Variants in RFC3 observed in about 807,000 individuals in gnomAD.
The protein encoded by RFC3 is replication factor C subunit 3, also known as A1 38 kDa subunit.
RFC3 carries 41 observed loss-of-function variants against 45.1 expected under a neutral mutation model. The observed-to-expected ratio is 0.91, with a 90% CI of 0.71 to 1.18. The LOEUF (loss-of-function observed/expected upper bound fraction) is 1.18, where lower values mean the gene tolerates loss of function less well. Among genes scored for constraint, RFC3 ranks in the 50% most tolerant of loss-of-function variants. The pLI is 0.00. For synonymous variants in RFC3, 149 were observed against 144.0 expected (o/e 1.03, Z -0.25); for missense variants, 423 against 428.1 (o/e 0.99, Z 0.10).
At chr13:33,872,980 G>T (rs1291800322) in intron 8 of RFC3, among the ~76,000 whole-genome samples, 1 of 152,058 alleles carries the variant, frequency 6.6e-6, no homozygotes, top group Admixed American at 6.5e-5. Flanking sequence ...TTTAAAGTTG[G>T]GCTAAACAAC....
At chr13:33,903,237 A>G (rs1451900089) in intron 8 of RFC3, among the ~76,000 whole-genome samples, 1 of 152,102 alleles carries the variant, frequency 6.6e-6, no homozygotes, top group Non-Finnish European at 1.5e-5. Flanking sequence ...TAGATCAAAC[A>G]CTGATTTGTA....
intron 8 of RFC3, among the ~76,000 whole-genome samples, chr13:33,891,332 C>T (rs2082562017): frequency 6.6e-6 from 1 of 152,084 alleles, no homozygotes; most frequent in Non-Finnish European, 1.5e-5. Flanking sequence ...GCAAGGTTCC[C>T]TAAAGGTTTT....
chr13:33,878,432 G>A (rs1475140960), intron 8 of RFC3, among the ~76,000 whole-genome samples: 1 of 152,118 alleles, frequency 6.6e-6, no homozygotes, highest in Non-Finnish European at 1.5e-5. Context: ...GGGATGGTGA[G>A]GATTTGATGA....
chr13:33,820,278 A>G (rs949349241), intron 1 of RFC3, among the ~76,000 whole-genome samples: 2 of 152,162 alleles, frequency 1.3e-5, no homozygotes, highest in Admixed American at 1.3e-4. Context: ...CTGACTTCTG[A>G]CTTCTAACTT....
At chr13:33,842,542 A>G (rs1472360525) in intron 8 of RFC3, among the ~76,000 whole-genome samples, 2 of 152,156 alleles carry the variant, frequency 1.3e-5, no homozygotes, top group African/African-American at 4.8e-5. Flanking sequence ...TGCCCAACAT[A>G]GGCAGCCACC....
chr13:33,841,673 C>T (rs1258733993), downstream of RFC3, among the ~76,000 whole-genome samples: 2 of 152,140 alleles, frequency 1.3e-5, no homozygotes, highest in African/African-American at 4.8e-5. Context: ...TTTTTGACTG[C>T]ATAGGGGTCT....
intron 8 of RFC3, among the ~76,000 whole-genome samples, chr13:33,928,219 G>A (rs2082827918): frequency 6.6e-6 from 1 of 152,120 alleles, no homozygotes; most frequent in Non-Finnish European, 1.5e-5. Context: ...ACAAGATTGA[G>A]TAGGTATCCA....
intron 8 of RFC3, among the ~76,000 whole-genome samples, chr13:33,944,474 A>C (rs1187037565): frequency 6.6e-6 from 1 of 152,162 alleles, no homozygotes; most frequent in Non-Finnish European, 1.5e-5. Context: ...GAATGCAAGG[A>C]TGTGGAACCC....
At chr13:33,948,178 G>A (rs1355306083) in intron 8 of RFC3, among the ~76,000 whole-genome samples, 3 of 152,184 alleles carry the variant, frequency 2.0e-5, no homozygotes, top group Admixed American at 2.0e-4. Flanking sequence ...GCTCCATGCA[G>A]CCTTGGGACA....
At chr13:33,969,842 T>C (rs2083102628), downstream of RFC3, among the ~76,000 whole-genome samples, 1 of 152,106 alleles carries the variant, frequency 6.6e-6, no homozygotes, top group African/African-American at 2.4e-5. Flanking sequence ...TGAGCATATT[T>C]CTGGTATTAT....
chr13:33,828,523 C>G (rs1186557717), intron 4 of RFC3, among the ~76,000 whole-genome samples: 2 of 152,184 alleles, frequency 1.3e-5, no homozygotes, highest in African/African-American at 2.4e-5. Context: ...TGTCGAATCT[C>G]CCCCCTCGGT....
At chr13:33,961,097 C>T (rs1221156648) in intron 8 of RFC3, among the ~76,000 whole-genome samples, 10 of 152,168 alleles carry the variant, frequency 6.6e-5, no homozygotes, top group Admixed American at 6.5e-4. Flanking sequence ...TACAGTAAAA[C>T]ATTATTTGTT....
intron 8 of RFC3, among the ~76,000 whole-genome samples, chr13:33,953,282 A>G (rs951355504): frequency 6.6e-6 from 1 of 150,486 alleles, no homozygotes; most frequent in Non-Finnish European, 1.5e-5. Context: ...TTTGAGAAAT[A>G]TGAAATAAAA....
intron 1 of RFC3, among the ~76,000 whole-genome samples, chr13:33,819,211 A>G (rs1377947867): frequency 6.6e-6 from 1 of 152,128 alleles, no homozygotes; most frequent in East Asian, 1.9e-4. Flanking sequence ...GCTTTGTGAA[A>G]GATCCTCTCC....
At chr13:33,869,167 G>T (rs2082391870) in intron 8 of RFC3, among the ~76,000 whole-genome samples, 1 of 152,202 alleles carries the variant, frequency 6.6e-6, no homozygotes, top group South Asian at 2.1e-4. Flanking sequence ...CTCTGGTCCT[G>T]CCCATTTTCT....
chr13:33,926,195 C>A (rs889963512), intron 8 of RFC3, among the ~76,000 whole-genome samples: 1 of 117,926 alleles, frequency 8.5e-6, no homozygotes, highest in Non-Finnish European at 1.6e-5. Context: ...ACATCACACT[C>A]TGGGGACTGT....
chr13:33,825,226 A>G (rs2082038396), intron 3 of RFC3, among the ~76,000 whole-genome samples: 1 of 152,160 alleles, frequency 6.6e-6, no homozygotes, highest in African/African-American at 2.4e-5. Flanking sequence ...CAATACCTAT[A>G]ATAAGTCATC....
At chr13:33,953,119 T>A (rs778831922) in intron 8 of RFC3, among the ~76,000 whole-genome samples, 1 of 152,162 alleles carries the variant, frequency 6.6e-6, no homozygotes, top group Non-Finnish European at 1.5e-5. Context: ...GGGGAAAATT[T>A]ATCTATAATT....
At chr13:33,867,064 C>T (rs1157162777) in intron 8 of RFC3, among the ~76,000 whole-genome samples, 1 of 152,158 alleles carries the variant, frequency 6.6e-6, no homozygotes, top group Non-Finnish European at 1.5e-5. Context: ...GAAGGGCCAA[C>T]TGGAAGTTTA....
Sources: allele counts gnomAD v4.1 joint callset (sites outside exome capture counted in the v4.1 genomes callset), GRCh38; gene constraint gnomAD v4.1.1; transcripts MANE v1.5; gene names NCBI Gene and HGNC (gene_info 2026-07-23, HGNC 2026-07-21).